Variants in OR2L13 observed in about 807,000 individuals in gnomAD.
OR2L13 encodes the protein olfactory receptor family 2 subfamily L member 13.
OR2L13 carries 14 observed loss-of-function variants against 15.3 expected under a neutral mutation model. The ratio of observed to expected loss-of-function variants is 0.91; its 90% CI spans 0.60 to 1.43. OR2L13 has a LOEUF of 1.43. Ranked by LOEUF, OR2L13 falls within the 40% of genes most tolerant of loss-of-function variation. The pLI, the probability that OR2L13 is intolerant of heterozygous loss-of-function variation, is 0.00. For missense variants in OR2L13, 367 were observed against 387.9 expected, an observed-to-expected ratio of 0.95 and a Z score of 0.45; for synonymous variants, 152 against 142.9, an observed-to-expected ratio of 1.06 and a Z score of -0.45.
chr1:248,083,949 TAGG>T, the OR2L13 span: 1 of 1,611,462 alleles, frequency 6.2e-7, no homozygotes, highest in Admixed American at 1.7e-5. Flanking sequence ...GATGAGACCA[TAGG>T]AGGACAGGAT....
At chr1:248,055,417 G>A in the OR2L13 span, among the ~76,000 whole-genome samples, 1 of 151,100 alleles carries the variant, frequency 6.6e-6, no homozygotes, top group Non-Finnish European at 1.5e-5. Context: ...TTTTTGTTAT[G>A]TCTCTGCTGG....
At chr1:247,954,396 A>G in the OR2L13 span, among the ~76,000 whole-genome samples, 1 of 152,192 alleles carries the variant, frequency 6.6e-6, no homozygotes, top group Non-Finnish European at 1.5e-5. Context: ...TCAATTTGAC[A>G]TTTGGGACTT....
chr1:248,011,109 T>C, the OR2L13 span, among the ~76,000 whole-genome samples: 1 of 152,184 alleles, frequency 6.6e-6, no homozygotes, highest in African/African-American at 2.4e-5. Context: ...CATTCCATGT[T>C]TAGTGCTTCC....
At chr1:248,029,580 A>G in the OR2L13 span, among the ~76,000 whole-genome samples, 2 of 152,180 alleles carry the variant, frequency 1.3e-5, no homozygotes, top group Non-Finnish European at 2.9e-5. Flanking sequence ...CAGTGTGAAC[A>G]TATATAATAC....
the OR2L13 span, among the ~76,000 whole-genome samples, chr1:248,017,310 CAG>C: frequency 2.6e-5 from 4 of 152,152 alleles, no homozygotes; most frequent in East Asian, 1.9e-4. Flanking sequence ...ATTACTGAAA[CAG>C]ATGTATAATG....
chr1:248,029,596 A>G, the OR2L13 span, among the ~76,000 whole-genome samples: 2,752 of 152,236 alleles, frequency 0.018, 75 homozygotes, highest in African/African-American at 0.063. Flanking sequence ...AATACCTAAA[A>G]TATGTTAAAA....
exon 3 of OR2L13, chr1:248,100,225 C>A: frequency 6.2e-7 from 1 of 1,613,284 alleles, no homozygotes; most frequent in Non-Finnish European, 8.5e-7. Flanking sequence ...TACCCCCATG[C>A]TCAATCCCAT....
the OR2L13 span, chr1:247,966,118 G>A: frequency 6.2e-7 from 1 of 1,614,116 alleles, no homozygotes; most frequent in South Asian, 1.1e-5. Context: ...CCTGATTGTG[G>A]CAAGCCTGTT....
chr1:248,050,315 C>G, the OR2L13 span, among the ~76,000 whole-genome samples: 1 of 151,496 alleles, frequency 6.6e-6, no homozygotes, highest in Non-Finnish European at 1.5e-5. Context: ...GCTAAAATAC[C>G]TTCCTTATAG....
the OR2L13 span, chr1:248,038,820 A>G: frequency 6.2e-7 from 1 of 1,614,166 alleles, no homozygotes; most frequent in Admixed American, 1.7e-5. Flanking sequence ...AGCTATGTTG[A>G]CGCTAGCCTG....
chr1:248,054,007 G>A, the OR2L13 span, among the ~76,000 whole-genome samples: 15 of 152,208 alleles, frequency 9.9e-5, no homozygotes, highest in South Asian at 1.2e-3. Context: ...ATTGCTTTTG[G>A]AGTCTTTGTC....
chr1:247,952,987 T>C, the OR2L13 span, among the ~76,000 whole-genome samples: 31 of 152,202 alleles, frequency 2.0e-4, no homozygotes, highest in Non-Finnish European at 1.5e-4. Flanking sequence ...CTATTTTTCA[T>C]GCCAATGACC....
chr1:248,053,378 A>C, the OR2L13 span, among the ~76,000 whole-genome samples: 2 of 152,120 alleles, frequency 1.3e-5, no homozygotes, highest in African/African-American at 4.8e-5. Context: ...GGTTGATTCC[A>C]TGTTTTTGCT....
At chr1:248,031,337 C>G in the OR2L13 span, among the ~76,000 whole-genome samples, 7 of 152,160 alleles carry the variant, frequency 4.6e-5, no homozygotes, top group Admixed American at 1.3e-4. Context: ...ATTGTAACAT[C>G]GCAGAACACA....
chr1:247,948,344 A>G, the OR2L13 span, among the ~76,000 whole-genome samples: 1 of 152,212 alleles, frequency 6.6e-6, no homozygotes, highest in East Asian at 1.9e-4. Context: ...ATTCAGTATA[A>G]TATTTGACTT....
chr1:248,068,679 C>G, the OR2L13 span, among the ~76,000 whole-genome samples: 1 of 152,084 alleles, frequency 6.6e-6, no homozygotes, highest in Non-Finnish European at 1.5e-5. Flanking sequence ...CTACTCCGAG[C>G]TACAGGAGGA....
At chr1:248,003,573 G>A in the OR2L13 span, 1 of 1,612,472 alleles carries the variant, frequency 6.2e-7, no homozygotes, top group Non-Finnish European at 8.5e-7. Flanking sequence ...ACAGGATCTT[G>A]GATCATAGGC....
the OR2L13 span, chr1:248,021,976 A>C: frequency 6.2e-7 from 1 of 1,613,516 alleles, no homozygotes; most frequent in Non-Finnish European, 8.5e-7. Context: ...ACGTCAACTG[A>C]TTTCATCTTA....
the OR2L13 span, among the ~76,000 whole-genome samples, chr1:248,080,022 C>T: frequency 6.6e-6 from 1 of 152,114 alleles, no homozygotes; most frequent in African/African-American, 2.4e-5. Context: ...AGCTCTCCCT[C>T]CCCACCAATA....
Sources: allele counts gnomAD v4.1 joint callset (sites outside exome capture counted in the v4.1 genomes callset), GRCh38; gene constraint gnomAD v4.1.1; transcripts MANE v1.5; gene names NCBI Gene and HGNC (gene_info 2026-07-23, HGNC 2026-07-21).